The following TMEM132C variants were observed in gnomAD, a reference collection of about 807,000 sequenced individuals.
TMEM132C encodes the protein transmembrane protein 132C, also known as protein phosphatase 1, regulatory subunit 152.
A neutral mutation model predicts 61.4 loss-of-function variants in TMEM132C; 29 were observed. The ratio of observed to expected loss-of-function variants is 0.47; its 90% CI spans 0.35 to 0.64. The LOEUF is 0.64. TMEM132C is among the 30% of genes least tolerant of loss of function. The pLI is 0.00. For synonymous variants in TMEM132C, 656 were observed against 633.1 expected, an observed-to-expected ratio of 1.04 and a Z score of -0.54; for missense variants, 1,408 against 1,476.9, an observed-to-expected ratio of 0.95 and a Z score of 0.76.
At chr12:128,321,027 G>C (rs1872312717) in intron 1 of TMEM132C, among the ~76,000 whole-genome samples, 1 of 151,414 alleles carries the variant, frequency 6.6e-6, no homozygotes, top group South Asian at 2.1e-4. Context: ...ACCTGTCAGA[G>C]CCCTATCAGG....
intron 2 of TMEM132C, among the ~76,000 whole-genome samples, chr12:128,503,006 G>A (rs543308246): frequency 6.6e-6 from 1 of 152,338 alleles, no homozygotes; most frequent in East Asian, 1.9e-4. Flanking sequence ...TAATAGCTGT[G>A]CCATTACCTT....
At chr12:128,274,747 TTC>T (rs1283988216) in intron 1 of TMEM132C, among the ~76,000 whole-genome samples, 1 of 152,194 alleles carries the variant, frequency 6.6e-6, no homozygotes. Context: ...GGCTAAACTT[TTC>T]ACCTGGGGAA....
At chr12:128,589,115 G>A (rs1449630637) in intron 3 of TMEM132C, among the ~76,000 whole-genome samples, 1 of 152,114 alleles carries the variant, frequency 6.6e-6, no homozygotes, top group Non-Finnish European at 1.5e-5. Context: ...GAACCAGGTT[G>A]TCATGTCGGT....
rs111603605 is a variant in TMEM132C, at chr12:128,668,154, C to T, written c.1306-1263C>T. On this transcript the variant is annotated intron_variant, in intron 4 of 8. Transcript: ENST00000435159. ...AATGATCTGGGCATGGTGACACTTG[C>T]CTATGTTCCCAGCACTTTGGTAGGC... 1.4e-4 allele frequency among the ~76,000 whole-genome samples: 21 copies of T among 152,100 alleles called. No individual in the cohort carries two copies. The Middle Eastern group carries it at 0.01, about 74-fold the overall frequency.
At chr12:128,297,792 CCAAT>C (rs1423638580) in intron 1 of TMEM132C, among the ~76,000 whole-genome samples, 1 of 152,080 alleles carries the variant, frequency 6.6e-6, no homozygotes, top group Non-Finnish European at 1.5e-5. Flanking sequence ...AAGTTAAAAC[CCAAT>C]CATTTACCTC....
chr12:128,681,357 G>A (rs1024203315), intron 5 of TMEM132C, among the ~76,000 whole-genome samples: 15 of 152,118 alleles, frequency 9.9e-5, no homozygotes, highest in South Asian at 2.1e-4. Context: ...GAGTGGCACC[G>A]ATGGGTCTGG....
chr12:128,306,206 C>CTT (rs34273117), intron 1 of TMEM132C, among the ~76,000 whole-genome samples: 66,600 of 136,664 alleles, frequency 0.49, 16,995 homozygotes, highest in Non-Finnish European at 0.58. Flanking sequence ...TGAAGAAATT[C>CTT]TTTTTTTTTT....
At chr12:128,488,660 CA>C (rs201867929) in intron 2 of TMEM132C, among the ~76,000 whole-genome samples, 1,865 of 150,014 alleles carry the variant, frequency 0.012, 36 homozygotes, top group African/African-American at 0.043. Flanking sequence ...GACTCCATCT[CA>C]AAAAAAATAT....
At chr12:128,594,787 T>G (rs1277081595) in intron 3 of TMEM132C, among the ~76,000 whole-genome samples, 1 of 152,240 alleles carries the variant, frequency 6.6e-6, no homozygotes, top group African/African-American at 2.4e-5. Context: ...ATTGCAGCCT[T>G]TAAACTGATT....
At chr12:128,574,592 C>G (rs1336723254) in intron 3 of TMEM132C, among the ~76,000 whole-genome samples, 1 of 152,200 alleles carries the variant, frequency 6.6e-6, no homozygotes, top group African/African-American at 2.4e-5. Context: ...TTCAATTGTC[C>G]TTCCCAGTGG....
intron 1 of TMEM132C, among the ~76,000 whole-genome samples, chr12:128,364,527 T>A (rs1227820981): frequency 6.6e-6 from 1 of 152,098 alleles, no homozygotes; most frequent in Non-Finnish European, 1.5e-5. Context: ...TCTCATGGAG[T>A]CCAAGAGAGG....
chr12:128,285,031 C>A (rs1592996972), intron 1 of TMEM132C, among the ~76,000 whole-genome samples: 2 of 152,072 alleles, frequency 1.3e-5, no homozygotes, highest in South Asian at 2.1e-4. Flanking sequence ...TTAGTCCCAG[C>A]TACTTGGGAG....
At chr12:128,355,832 C>G (rs1412164027) in intron 1 of TMEM132C, among the ~76,000 whole-genome samples, 2 of 152,080 alleles carry the variant, frequency 1.3e-5, no homozygotes, top group African/African-American at 4.8e-5. Context: ...TCCTTTGGAG[C>G]TTTACTTAAA....
At chr12:128,593,680 G>A (rs1224837676) in intron 3 of TMEM132C, among the ~76,000 whole-genome samples, 2 of 152,218 alleles carry the variant, frequency 1.3e-5, no homozygotes, top group East Asian at 1.9e-4. Flanking sequence ...AGGCACATTC[G>A]ACACCCAGCT....
chr12:128,478,632 A>G (rs746760931), intron 2 of TMEM132C, among the ~76,000 whole-genome samples: 4 of 152,228 alleles, frequency 2.6e-5, no homozygotes, highest in Admixed American at 6.5e-5. Flanking sequence ...CACCTGTCCC[A>G]TCTTATAGCT....
chr12:128,371,712 A>G (rs138761613), intron 1 of TMEM132C, among the ~76,000 whole-genome samples: 11 of 152,270 alleles, frequency 7.2e-5, no homozygotes, highest in African/African-American at 2.6e-4. Flanking sequence ...AGCTGAAACT[A>G]AAGGCACATG....
chr12:128,298,846 G>A lies in TMEM132C; in HGVS notation c.85+31359G>A, dbSNP rs115629787. Among the ~76,000 whole-genome samples, 1,427 of 152,330 alleles carry A rather than the reference G, an allele frequency of 9.4e-3. 21 individuals carry two copies. Among genetic ancestry groups the A allele is most frequent in the African/African-American group, 0.032 (1,344 of 41,576 alleles). The stretch of plus-strand genomic sequence containing the variant: ...TGGTAGAGCACCTTGTACCTGTCCT[G>A]CACAGCATTTCCCTGGATTGCAGAT... On this transcript the variant is annotated intron_variant, in intron 1 of 8. Transcript: ENST00000435159.
chr12:128,485,687 A>G (rs1871469166), intron 2 of TMEM132C, among the ~76,000 whole-genome samples: 1 of 152,108 alleles, frequency 6.6e-6, no homozygotes, highest in Non-Finnish European at 1.5e-5. Flanking sequence ...TCCATCCCCA[A>G]TGTCAGTAGT....
chr12:128,274,328 A>ATTTT (rs3043859), intron 1 of TMEM132C, among the ~76,000 whole-genome samples: 7 of 151,822 alleles, frequency 4.6e-5, no homozygotes, highest in Non-Finnish European at 8.8e-5. Flanking sequence ...TATGTATAAC[A>ATTTT]TTTTTTTCTT....
Sources: gnomAD v4.1 joint callset for allele counts (sites outside exome capture counted in the v4.1 genomes callset) on GRCh38, gnomAD v4.1.1 for gene constraint, MANE v1.5 for transcripts, NCBI Gene and HGNC (gene_info 2026-07-23, HGNC 2026-07-21) for gene names.